ARHGEF17: variants seen among roughly 807,000 people sequenced by gnomAD.
ARHGEF17 encodes Rho guanine nucleotide exchange factor 17, also known as 164 kDa Rho-specific guanine-nucleotide exchange factor.
A neutral mutation model predicts 174.0 loss-of-function variants in ARHGEF17; 80 were observed. The ratio of observed to expected loss-of-function variants is 0.46; its 90% CI spans 0.38 to 0.55. The LOEUF (loss-of-function observed/expected upper bound fraction) is 0.55. ARHGEF17 is among the 20% of genes least tolerant of loss of function. The probability of loss-of-function intolerance (pLI) is 0.00; values close to 1 mark genes in which losing one functional copy is unlikely to be tolerated. For missense variants in ARHGEF17, 2,886 were observed against 2,839.7 expected (o/e 1.02, Z -0.37); for synonymous variants, 1,311 against 1,189.1 (o/e 1.10, Z -2.11).
chr11:73,356,571 C>G (rs750418704), intron 6 of ARHGEF17, 138 bp from the exon 7 acceptor site: 1 of 1,263,820 alleles, frequency 7.9e-7, no homozygotes, highest in Non-Finnish European at 1.1e-6. Context: ...CCTGGCAGCA[C>G]AAGGGCATTG....
At chr11:73,354,349 T>C (rs1591755031) in intron 3 of ARHGEF17, among the ~76,000 whole-genome samples, 2 of 152,198 alleles carry the variant, frequency 1.3e-5, no homozygotes, top group Admixed American at 1.3e-4. Flanking sequence ...TTGGTGAGGG[T>C]TGTCTTCCTC....
At chr11:73,360,935 G>C (rs1396259505) in intron 11 of ARHGEF17, among the ~76,000 whole-genome samples, 153 bp from the exon 12 acceptor site, 1 of 152,246 alleles carries the variant, frequency 6.6e-6, no homozygotes, top group East Asian at 1.9e-4. Flanking sequence ...GAGGCCAGGA[G>C]CAACTGCCTT....
Position 73,355,598 on chromosome 11 carries a change from T to A in ARHGEF17, c.3519T>A (p.Asp1173Glu). Residue 1173 changes from aspartate (D) to glutamate (E), a missense_variant, in exon 4 of 21, where the codon GAT (aspartate) becomes GAA (glutamate). By Grantham distance (45) the Asp-to-Glu change is conservative. Coordinates refer to ENST00000263674, the MANE Select transcript of ARHGEF17 (RefSeq NM_014786.4). ...TCGATAACTTCCTCAATGCAAAGGA[T>A]GCTGTGCGTGTGGCCAAGGAGGCGA... ...AYIDNFLNAKDAVRVAKEARP... is the reference protein window; with the variant it reads ...AYIDNFLNAKEAVRVAKEARP... 3 of 1,614,200 alleles carry A rather than the reference T, an allele frequency of 1.9e-6. No homozygotes were observed. The highest frequency in any genetic ancestry group is 2.5e-6 in the Non-Finnish European group (3 of 1,180,012).
intron 1 of ARHGEF17, among the ~76,000 whole-genome samples, chr11:73,334,589 T>C (rs754633802): frequency 3.9e-5 from 6 of 152,142 alleles, no homozygotes; most frequent in Admixed American, 6.5e-5. Flanking sequence ...CCAGGATTTA[T>C]CTTCAGCCGA....
chr11:73,326,869 G>A (rs982047867), intron 1 of ARHGEF17, among the ~76,000 whole-genome samples: 3 of 152,198 alleles, frequency 2.0e-5, no homozygotes, highest in African/African-American at 7.2e-5. Flanking sequence ...CACATCTCAC[G>A]CCATGTATTT....
In ARHGEF17 at chr11:73,309,580, T is replaced by C; in HGVS notation, c.942T>C (p.Asn314=). 6.2e-7 allele frequency: 1 copy of C among 1,612,328 alleles called. No homozygotes were observed. The highest frequency in any genetic ancestry group is 8.5e-7 in the Non-Finnish European group (1 of 1,179,554). ...QDCRPDSDGL[N]LSSMNSAGVS... ...GCAGGCCTGACAGTGATGGGTTAAA[T>C]CTAAGCAGCATGAACTCAGCAGGGG... is the stretch of plus-strand genomic sequence containing the variant. Residue 314 remains asparagine (N), a synonymous_variant, in exon 1 of 21, where the codon AAT becomes AAC. Transcript: ENST00000263674.
At chr11:73,329,354 TATATA>T (rs1865158903) in intron 1 of ARHGEF17, among the ~76,000 whole-genome samples, 2 of 41,346 alleles carry the variant, frequency 4.8e-5, no homozygotes, top group African/African-American at 3.8e-4. Context: ...TATATATATA[TATATA>T]TATATATATA....
intron 9 of ARHGEF17, 106 bp downstream of exon 9, chr11:73,357,433 A>G (rs2134418583): frequency 9.3e-7 from 1 of 1,072,316 alleles, no homozygotes; most frequent in South Asian, 1.6e-5. Flanking sequence ...CTGCTTTTCC[A>G]CTTTTGGGCC....
chr11:73,308,462 G>A lies in ARHGEF17; in HGVS notation c.-177G>A, dbSNP rs920716446. The A allele has an allele frequency of 5.5e-6, 3 of 550,206 alleles. No individual in the cohort carries two copies. The highest frequency in any genetic ancestry group is 8.4e-6 in the Non-Finnish European group (3 of 356,336). 34.1% of individuals were successfully genotyped at this position (550,206 alleles called of 1,614,324 possible). On this transcript the variant is annotated 5_prime_UTR_variant, in exon 1 of 21. It adds an upstream start codon to the 5' untranslated region. Transcript: ENST00000263674. ...GCCCGGGATGGAGACGTTGCGGCCG[G>A]TGGCCACAGAAACTTGAGCCGCGGC...
intron 9 of ARHGEF17, among the ~76,000 whole-genome samples, chr11:73,357,876 C>G (rs79521881): frequency 6.6e-6 from 1 of 152,188 alleles, no homozygotes; most frequent in Non-Finnish European, 1.5e-5. Context: ...CCTGCTTCCT[C>G]ATAACTCCCG....
intron 2 of ARHGEF17, 100 bp downstream of exon 2, chr11:73,347,060 C>G: frequency 8.5e-7 from 1 of 1,174,520 alleles, no homozygotes; most frequent in Non-Finnish European, 1.2e-6. Flanking sequence ...GGGACTGAGG[C>G]CAGAGAGCCG....
Position 73,365,816 on chromosome 11 carries a change from G to A in ARHGEF17, c.5864G>A (p.Cys1955Tyr). ...CCCACTTCGCCCGGTACTGTCAGCTGCCCACGGGCACCACTCAGTCCCACA... is the reference window on the plus strand; with the variant it reads ...CCCACTTCGCCCGGTACTGTCAGCTACCCACGGGCACCACTCAGTCCCACA... The part of the protein sequence containing the change: ...TMPTSPGTVS[C>Y]PRAPLSPTGL... The change falls in exon 20 of 21, where the codon TGC becomes TAC. Residue 1955 changes from cysteine (C) to tyrosine (Y), a missense_variant. Physicochemically the swap from Cys to Tyr is radical, Grantham distance 194. This residue lies in a region of ARHGEF17 where 329 missense variants were observed against 435.2 expected (regional missense o/e 0.76). Transcript: ENST00000263674. This position sits in a 1 kb window ranked among gnomAD's most constrained non-coding sequence, Gnocchi z 4.9. The A allele has an allele frequency of 6.2e-7, 1 of 1,613,434 alleles. No individual in the cohort carries two copies. Among genetic ancestry groups the A allele is most frequent in the Non-Finnish European group, 8.5e-7 (1 of 1,180,038 alleles).
intron 16 of ARHGEF17, 68 bp downstream of exon 16, chr11:73,363,901 C>T: frequency 6.7e-7 from 1 of 1,492,804 alleles, no homozygotes; most frequent in Non-Finnish European, 9.3e-7. Context: ...TCCTTCTGTT[C>T]ATCTGGTCCC....
intron 2 of ARHGEF17, among the ~76,000 whole-genome samples, chr11:73,351,116 C>G (rs891940735): frequency 7.2e-5 from 11 of 152,218 alleles, no homozygotes; most frequent in Non-Finnish European, 1.5e-4. Flanking sequence ...GGCCCTGACC[C>G]AGCCCAGGAG....
In ARHGEF17 at chr11:73,346,978, C is replaced by T. The variant is rs1865473268; in HGVS notation, c.3270+18C>T. On this transcript the variant is annotated intron_variant, in intron 2 of 20. Transcript: ENST00000263674. ...TGATGCAGGTGGGGCTCGGGGCCCACTCCCCTGAGAATGGCCTTTCTGAGC... is the reference window on the plus strand; with the variant it reads ...TGATGCAGGTGGGGCTCGGGGCCCATTCCCCTGAGAATGGCCTTTCTGAGC... 1 of 1,587,232 alleles carries T rather than the reference C, an allele frequency of 6.3e-7. No homozygotes were observed. Among genetic ancestry groups the T allele is most frequent in the Non-Finnish European group, 8.6e-7 (1 of 1,163,768 alleles).
At chr11:73,360,180 T>C (rs1865713071) in intron 10 of ARHGEF17, 140 bp from the exon 11 acceptor site, 1 of 987,996 alleles carries the variant, frequency 1.0e-6, no homozygotes, top group Non-Finnish European at 1.5e-6. Flanking sequence ...CCATCCCCCA[T>C]ATATCAAAGG....
In ARHGEF17 at chr11:73,364,270, C is replaced by T. The variant is rs146135660; in HGVS notation, c.5401+31C>T. Reference sequence around the variant, plus strand: ...TATCTGCCCTCCCCCACACCCTGCCCCTGTCCCCTTACTGGTGTTGGGGCT... The same window carrying T: ...TATCTGCCCTCCCCCACACCCTGCCTCTGTCCCCTTACTGGTGTTGGGGCT... On this transcript the variant is annotated intron_variant, in intron 17 of 20. Transcript: ENST00000263674. 3.6e-5 allele frequency: 58 copies of T among 1,612,792 alleles called. No homozygotes were observed. In the African/African-American group the frequency reaches 6.7e-4, roughly 19 times the overall value.
At chr11:73,322,234 C>G (rs571455459) in intron 1 of ARHGEF17, among the ~76,000 whole-genome samples, 1 of 152,330 alleles carries the variant, frequency 6.6e-6, no homozygotes, top group African/African-American at 2.4e-5. Flanking sequence ...CTTGGTATCC[C>G]CCGCCTTTCC....
At chr11:73,349,221 G>A (rs1386282296) in intron 2 of ARHGEF17, among the ~76,000 whole-genome samples, 8 of 152,302 alleles carry the variant, frequency 5.3e-5, no homozygotes, top group East Asian at 1.9e-4. Flanking sequence ...TTGAAGTCAC[G>A]TGCGTCCTCA....
Sources: gnomAD v4.1 joint callset for allele counts (sites outside exome capture counted in the v4.1 genomes callset) on GRCh38, gnomAD v4.1.1 for gene constraint, gnomAD v4.1.1 regional missense constraint, Gnocchi (gnomAD v3.1) non-coding constraint, MANE v1.5 for transcripts, NCBI Gene and HGNC (gene_info 2026-07-23, HGNC 2026-07-21) for gene names.